AGAP1: variants seen among roughly 807,000 people sequenced by gnomAD.
AGAP1 encodes arf-GAP with GTPase, ANK repeat and PH domain-containing protein 1.
In AGAP1, 29 loss-of-function variants were observed where a neutral mutation model predicts 105.3. That is an observed-to-expected ratio of 0.28 (90% confidence interval 0.21 to 0.38). AGAP1 has a LOEUF of 0.38. AGAP1 is among the 10% of genes least tolerant of loss of function. AGAP1 has a pLI of 1.00. For missense variants in AGAP1, 998 were observed against 1,165.1 expected (o/e 0.86, Z 2.09); for synonymous variants, 509 against 485.9 (o/e 1.05, Z -0.63).
Position 235,788,604 on chromosome 2 carries a change from G to A in AGAP1, c.674-9155G>A, listed in dbSNP as rs183724093. 1.9e-3 allele frequency among the ~76,000 whole-genome samples: 282 copies of A among 152,034 alleles called. No individual in the cohort carries two copies. The highest frequency in any genetic ancestry group is 6.2e-3 in the African/African-American group (259 of 41,470). Reference sequence around the variant, plus strand: ...AAGGAGAGGAGTGGGAGGGTCCATCGGTGTCGTCAGTGCACATCCCGGTGC... The same window carrying A: ...AAGGAGAGGAGTGGGAGGGTCCATCAGTGTCGTCAGTGCACATCCCGGTGC... On this transcript the variant is annotated intron_variant, in intron 6 of 17. Coordinates refer to ENST00000304032, the MANE Select transcript of AGAP1 (RefSeq NM_001037131.3). The surrounding 1 kb of genome is among the most constrained non-coding windows in gnomAD (Gnocchi z 6.0).
At position 236,123,588 on chromosome 2, in the gene AGAP1, A is replaced by G. The variant is rs1184964727; in HGVS notation, c.2371-331A>G. Among the ~76,000 whole-genome samples the G allele has an allele frequency of 1.3e-5, 2 of 152,200 alleles. No individual in the cohort carries two copies. The highest frequency in any genetic ancestry group is 2.9e-5 in the Non-Finnish European group (2 of 68,030). ...GTTATTTGTGTATTTCCTATAATGAAAATTCTGAGATCAAAACAATGATTT... is the reference window on the plus strand; with the variant it reads ...GTTATTTGTGTATTTCCTATAATGAGAATTCTGAGATCAAAACAATGATTT... On this transcript the variant is annotated intron_variant, in intron 17 of 17. Transcript: ENST00000304032. The surrounding 1 kb of genome is among the most constrained non-coding windows in gnomAD (Gnocchi z 4.6).
In AGAP1 at chr2:235,936,957, G is replaced by A. The variant is rs1000289676; in HGVS notation, c.1483+6034G>A. On this transcript the variant is annotated intron_variant, in intron 12 of 17. Coordinates refer to ENST00000304032, the MANE Select transcript of AGAP1 (RefSeq NM_001037131.3). The surrounding 1 kb of genome is among the most constrained non-coding windows in gnomAD (Gnocchi z 4.7). The stretch of plus-strand genomic sequence containing the variant: ...TGCTTTTTTTTTTTTAAGGAGAAAC[G>A]CATGCTTAGTACTAAAACATTGTAT... 1.5e-4 allele frequency among the ~76,000 whole-genome samples: 22 copies of A among 151,158 alleles called. No individual in the cohort carries two copies. The highest frequency in any genetic ancestry group is 3.7e-4 in the African/African-American group (15 of 41,066).
At chr2:236,054,653 A>G (rs1402823798) in intron 16 of AGAP1, among the ~76,000 whole-genome samples, 1 of 152,178 alleles carries the variant, frequency 6.6e-6, no homozygotes. Context: ...ACGCATAACA[A>G]GCTACCGGCA....
chr2:235,544,195 A>G (rs1038504046), intron 1 of AGAP1, among the ~76,000 whole-genome samples: 1 of 152,180 alleles, frequency 6.6e-6, no homozygotes, highest in African/African-American at 2.4e-5. Flanking sequence ...GATTGCTCAG[A>G]TATGACTTTC....
At chr2:235,945,593 AAAT>A (rs1210888649) in intron 12 of AGAP1, among the ~76,000 whole-genome samples, 2 of 151,576 alleles carry the variant, frequency 1.3e-5, no homozygotes, top group Non-Finnish European at 2.9e-5. Context: ...CCTAATAAAA[AAAT>A]TAAATTTTAG....
intron 1 of AGAP1, among the ~76,000 whole-genome samples, chr2:235,525,477 A>C (rs564796915): frequency 6.6e-6 from 1 of 151,856 alleles, no homozygotes; most frequent in South Asian, 2.1e-4. Flanking sequence ...GAGGACTGAT[A>C]CATAACGTGG....
chr2:236,072,826 A>G (rs899192790), intron 16 of AGAP1, among the ~76,000 whole-genome samples: 2 of 152,140 alleles, frequency 1.3e-5, no homozygotes, highest in African/African-American at 4.8e-5. Flanking sequence ...TCTGCTGTCC[A>G]GCTGAACTAT....
rs746180068 is a variant in AGAP1 at position 235,970,687 on chromosome 2, C to T, written c.1645+2064C>T. ...GTTCATTATCCCACCCACGTGTTGA[C>T]CGCTGTGTAAATGAGTGAATAAATC... On this transcript the variant is annotated intron_variant, in intron 13 of 17. Transcript: ENST00000304032. This position sits in a 1 kb window ranked among gnomAD's most constrained non-coding sequence, Gnocchi z 5.4. 3.3e-5 allele frequency among the ~76,000 whole-genome samples: 5 copies of T among 152,226 alleles called. No individual in the cohort carries two copies. Among genetic ancestry groups the T allele is most frequent in the Non-Finnish European group, 1.5e-5 (1 of 68,050 alleles).
At chr2:235,645,523 C>T (rs1314053383) in intron 1 of AGAP1, among the ~76,000 whole-genome samples, 2 of 152,176 alleles carry the variant, frequency 1.3e-5, no homozygotes, top group Non-Finnish European at 2.9e-5. Flanking sequence ...TGCTTAGTAA[C>T]GCTCCTTTAG....
In AGAP1 at chr2:235,569,624, C is replaced by T. The variant is rs1194832839; in HGVS notation, c.163+74775C>T. ...GGTTTGGAGGATTCGAAGGACATCCCTGGAGGGGCTGTGCCCAGGTAGGGT... is the reference window on the plus strand; with the variant it reads ...GGTTTGGAGGATTCGAAGGACATCCTTGGAGGGGCTGTGCCCAGGTAGGGT... On this transcript the variant is annotated intron_variant, in intron 1 of 17. Transcript: ENST00000304032. The surrounding 1 kb of genome is among the most constrained non-coding windows in gnomAD (Gnocchi z 5.9). 1.3e-5 allele frequency among the ~76,000 whole-genome samples: 2 copies of T among 152,190 alleles called. No homozygotes were observed. Among genetic ancestry groups the T allele is most frequent in the African/African-American group, 4.8e-5 (2 of 41,456 alleles).
At position 235,983,051 on chromosome 2, in the gene AGAP1, C is replaced by G. The variant is rs1258735034; in HGVS notation, c.1645+14428C>G. ...CGATGTGTGAGCATGAGGAGACATT[C>G]CTTAAGCCAGCCTGGTCTGTGGAGG... is the stretch of plus-strand genomic sequence containing the variant. On this transcript the variant is annotated intron_variant, in intron 13 of 17. Coordinates refer to ENST00000304032, the MANE Select transcript of AGAP1 (RefSeq NM_001037131.3). This position sits in a 1 kb window ranked among gnomAD's most constrained non-coding sequence, Gnocchi z 4.5. 1.3e-5 allele frequency among the ~76,000 whole-genome samples: 2 copies of G among 152,190 alleles called. No homozygotes were observed. Among genetic ancestry groups the G allele is most frequent in the African/African-American group, 4.8e-5 (2 of 41,452 alleles).
In AGAP1 at chr2:236,092,485, C is replaced by T. The variant is rs1163416165; in HGVS notation, c.2115-27707C>T. 1.3e-5 allele frequency among the ~76,000 whole-genome samples: 2 copies of T among 152,128 alleles called. No homozygotes were observed. The highest frequency in any genetic ancestry group is 2.4e-5 in the African/African-American group (1 of 41,434). ...TCGTCTCACTGCAACCTCCGCCTCC[C>T]GGGTTCAAGCAATTCTCCTGCCTCA... On this transcript the variant is annotated intron_variant, in intron 16 of 17. Transcript: ENST00000304032. The surrounding 1 kb of genome is among the most constrained non-coding windows in gnomAD (Gnocchi z 4.7).
chr2:235,991,585 C>T (rs959835075), intron 13 of AGAP1, among the ~76,000 whole-genome samples: 5 of 152,136 alleles, frequency 3.3e-5, no homozygotes, highest in Non-Finnish European at 7.3e-5. Flanking sequence ...CATTTCATTT[C>T]GTATAAGATT....
Position 235,718,087 on chromosome 2 carries a change from T to A in AGAP1, c.310+443T>A, listed in dbSNP as rs374439315. On this transcript the variant is annotated intron_variant, in intron 3 of 17. Coordinates refer to ENST00000304032, the MANE Select transcript of AGAP1 (RefSeq NM_001037131.3). Reference sequence around the variant, plus strand: ...CCACCACCATATGTTTGAGTATGTTTCCCCCCTTATATTATAAACATTTAA... The same window carrying A: ...CCACCACCATATGTTTGAGTATGTTACCCCCCTTATATTATAAACATTTAA... Among the ~76,000 whole-genome samples, 8 of 152,262 alleles carry A rather than the reference T, an allele frequency of 5.3e-5. No homozygotes were observed. In the East Asian group the frequency reaches 1.5e-3, roughly 29 times the overall value.
chr2:236,049,055 G>T lies in AGAP1; in HGVS notation c.1892-4G>T. On this transcript the variant is annotated splice_polypyrimidine_tract_variant and splice_region_variant and intron_variant, in intron 15 of 17. Coordinates refer to ENST00000304032, the MANE Select transcript of AGAP1 (RefSeq NM_001037131.3). ...CGTTTAGCGTTCTGTTCCTCTTCCC[G>T]TAGATCCCAACTGGGCCAGTTTGAA... 3 of 1,612,588 alleles carry T rather than the reference G, an allele frequency of 1.9e-6. No homozygotes were observed. Among genetic ancestry groups the T allele is most frequent in the Non-Finnish European group, 2.5e-6 (3 of 1,178,870 alleles).
intron 11 of AGAP1, among the ~76,000 whole-genome samples, chr2:235,915,917 TAGG>T (rs973498973): frequency 2.2e-4 from 34 of 152,046 alleles, no homozygotes; most frequent in African/African-American, 7.2e-4. Context: ...ACACCAAAAA[TAGG>T]AGAACAACAA....
chr2:235,896,027 C>T (rs914316901), intron 10 of AGAP1, among the ~76,000 whole-genome samples: 1 of 152,174 alleles, frequency 6.6e-6, no homozygotes, highest in Non-Finnish European at 1.5e-5. Flanking sequence ...GTATCATATA[C>T]GTTCACGTTG....
rs1323698007 is a variant in AGAP1, at chr2:236,055,462, A to G, written c.2114+6181A>G. ...ATCATGTGAACGCTGTGGTTTTTCTATTTGACAGGCTTAATTAATTGGCAG... is the reference window on the plus strand; with the variant it reads ...ATCATGTGAACGCTGTGGTTTTTCTGTTTGACAGGCTTAATTAATTGGCAG... On this transcript the variant is annotated intron_variant, in intron 16 of 17. Coordinates refer to ENST00000304032, the MANE Select transcript of AGAP1 (RefSeq NM_001037131.3). This position sits in a 1 kb window ranked among gnomAD's most constrained non-coding sequence, Gnocchi z 6.2. Among the ~76,000 whole-genome samples the G allele has an allele frequency of 1.3e-5, 2 of 152,200 alleles. No homozygotes were observed. Among genetic ancestry groups the G allele is most frequent in the Non-Finnish European group, 2.9e-5 (2 of 68,044 alleles).
intron 17 of AGAP1, among the ~76,000 whole-genome samples, chr2:236,122,595 G>A (rs941707017): frequency 1.3e-5 from 2 of 151,702 alleles, no homozygotes; most frequent in Non-Finnish European, 2.9e-5. Context: ...TCCCCCTTCT[G>A]ATCATCACTC....
Sources: allele counts gnomAD v4.1 joint callset (sites outside exome capture counted in the v4.1 genomes callset), GRCh38; gene constraint gnomAD v4.1.1; non-coding constraint Gnocchi (gnomAD v3.1); transcripts MANE v1.5; gene names NCBI Gene and HGNC (gene_info 2026-07-23, HGNC 2026-07-21).